Variants in RAB28 observed in about 807,000 individuals in gnomAD.
RAB28 encodes ras-related protein Rab-28.
Under a neutral mutation model 31.7 loss-of-function variants are expected in RAB28, and 24 were observed. The observed-to-expected ratio is 0.76, with a 90% CI of 0.55 to 1.06. RAB28 has a LOEUF of 1.06. Among genes scored for constraint, RAB28 ranks in the 50% least tolerant of loss-of-function variants. The probability of loss-of-function intolerance (pLI) is 0.00; values close to 1 mark genes in which losing one functional copy is unlikely to be tolerated. For synonymous variants in RAB28, 100 were observed against 90.4 expected (o/e 1.11, Z -0.60); for missense variants, 254 against 258.5 (o/e 0.98, Z 0.12).
intron 4 of RAB28, among the ~76,000 whole-genome samples, 191 bp from the exon 5 acceptor site, chr4:13,381,785 C>T (rs1729141930): frequency 6.6e-6 from 1 of 151,840 alleles, no homozygotes; most frequent in Admixed American, 6.6e-5. Context: ...ATAAATATAC[C>T]TATTTTGTAG....
chr4:13,375,663 G>A (rs1401987980), intron 6 of RAB28, among the ~76,000 whole-genome samples: 2 of 152,032 alleles, frequency 1.3e-5, no homozygotes, highest in Admixed American at 6.6e-5. Context: ...TTTGAATGAT[G>A]GGAATTAAAA....
At position 13,367,790 on chromosome 4, in the gene RAB28, T is replaced by A; in HGVS notation, c.*768A>T. The stretch of plus-strand genomic sequence containing the variant: ...ATCAGGTACAGTCTGATCCACAATG[T>A]CATAACTCATTCTCGGGAGTACTCT... On this transcript the variant is annotated 3_prime_UTR_variant, in exon 7 of 7. Coordinates refer to ENST00000330852, the MANE Select transcript of RAB28 (RefSeq NM_001017979.3). 1.0e-6 allele frequency: 1 copy of A among 985,124 alleles called. No homozygotes were observed. Among genetic ancestry groups the A allele is most frequent in the Non-Finnish European group, 1.2e-6 (1 of 829,690 alleles). The allele number at this position is 985,124 out of a possible 1,614,324, so 61.0% of individuals were successfully genotyped here.
intron 5 of RAB28, among the ~76,000 whole-genome samples, chr4:13,378,511 G>GC (rs1464148249): frequency 6.6e-6 from 1 of 152,036 alleles, no homozygotes; most frequent in Admixed American, 6.6e-5. Context: ...AGGAAATAAG[G>GC]CAACAGCTAG....
At chr4:13,465,154 G>C (rs1220206127) in intron 3 of RAB28, among the ~76,000 whole-genome samples, 1 of 151,788 alleles carries the variant, frequency 6.6e-6, no homozygotes, top group Non-Finnish European at 1.5e-5. Context: ...AAGAACAGTG[G>C]GACAGTCCCA....
intron 3 of RAB28, among the ~76,000 whole-genome samples, chr4:13,472,544 A>T (rs1716168613): frequency 6.6e-6 from 1 of 151,916 alleles, no homozygotes; most frequent in Non-Finnish European, 1.5e-5. Context: ...CCTGAAATGC[A>T]TAAAGTCCTC....
intron 6 of RAB28, among the ~76,000 whole-genome samples, chr4:13,369,709 C>A (rs1313129972): frequency 6.6e-6 from 1 of 151,990 alleles, no homozygotes; most frequent in Non-Finnish European, 1.5e-5. Context: ...TGGCAGAGGA[C>A]CAATTTTTTA....
chr4:13,427,076 C>A (rs943762686), intron 4 of RAB28, among the ~76,000 whole-genome samples: 10 of 152,104 alleles, frequency 6.6e-5, no homozygotes, highest in African/African-American at 2.4e-4. Context: ...GATCAGAATT[C>A]CCCATAGACC....
intron 4 of RAB28, 141 bp from the exon 5 acceptor site, chr4:13,381,735 C>T (rs1359656721): frequency 5.3e-6 from 3 of 561,500 alleles, no homozygotes; most frequent in African/African-American, 3.8e-5. Flanking sequence ...TTTATTAAAC[C>T]TCTTTATGAC....
chr4:13,428,370 A>C (rs1173504610), intron 4 of RAB28, among the ~76,000 whole-genome samples: 3 of 152,228 alleles, frequency 2.0e-5, no homozygotes, highest in Non-Finnish European at 4.4e-5. Context: ...AAAAAAGAAG[A>C]AAATCCAGTC....
intron 3 of RAB28, among the ~76,000 whole-genome samples, chr4:13,470,495 A>C (rs1054453305): frequency 1.3e-5 from 2 of 152,094 alleles, no homozygotes; most frequent in Non-Finnish European, 2.9e-5. Context: ...CCACTGGCAC[A>C]CAATAGTAGT....
At chr4:13,387,115 C>T (rs1247144575) in intron 4 of RAB28, among the ~76,000 whole-genome samples, 1 of 151,810 alleles carries the variant, frequency 6.6e-6, no homozygotes, top group Admixed American at 6.6e-5. Context: ...TGGGAGGGGA[C>T]AGAGGATCAG....
chr4:13,405,506 A>T (rs1049237510), intron 4 of RAB28, among the ~76,000 whole-genome samples: 25 of 152,206 alleles, frequency 1.6e-4, no homozygotes, highest in African/African-American at 5.8e-4. Context: ...ATTGAAACTC[A>T]TAACATAGAC....
chr4:13,443,097 A>T (rs973254524), intron 4 of RAB28, among the ~76,000 whole-genome samples: 7 of 152,262 alleles, frequency 4.6e-5, no homozygotes, highest in African/African-American at 1.4e-4. Flanking sequence ...AATTTTCAAA[A>T]CAATTGTTGA....
intron 4 of RAB28, among the ~76,000 whole-genome samples, chr4:13,390,273 A>G (rs1016111581): frequency 5.3e-5 from 8 of 152,182 alleles, no homozygotes; most frequent in Admixed American, 3.3e-4. Flanking sequence ...ACAGACAAAC[A>G]GAGAGCCAAA....
intron 4 of RAB28, among the ~76,000 whole-genome samples, chr4:13,453,254 A>T (rs1715073123): frequency 6.6e-6 from 1 of 152,126 alleles, no homozygotes; most frequent in African/African-American, 2.4e-5. Context: ...TAAGAAATGT[A>T]ATTAGTTTAA....
chr4:13,368,639 C>A lies in RAB28; in HGVS notation c.585G>T (p.Lys195Asn). ...AEIEQSQRVVKADIVNYNQEP... is the reference protein window; with the variant it reads ...AEIEQSQRVVNADIVNYNQEP... ...CCTGGTTGTAGTTTACAATATCTGCCTTCACCACCCTCTGTCATAAAAGAA... is the reference window on the plus strand; with the variant it reads ...CCTGGTTGTAGTTTACAATATCTGCATTCACCACCCTCTGTCATAAAAGAA... The change falls in exon 7 of 7, where the codon AAG (lysine) becomes AAT (asparagine). Residue 195 changes from lysine (K) to asparagine (N), a missense_variant. Coordinates refer to ENST00000330852, the MANE Select transcript of RAB28 (RefSeq NM_001017979.3). 1.9e-6 allele frequency: 3 copies of A among 1,610,570 alleles called. No individual in the cohort carries two copies. Among genetic ancestry groups the A allele is most frequent in the South Asian group, 2.2e-5 (2 of 90,860 alleles).
rs566353793 is a variant in RAB28, at chr4:13,438,533, T to G, written c.391+22166A>C. 8.5e-5 allele frequency among the ~76,000 whole-genome samples: 13 copies of G among 152,326 alleles called. No individual in the cohort carries two copies. In the South Asian group the frequency reaches 1.0e-3, roughly 12 times the overall value. ...TAAATAGAATCATGAAATACATGGG[T>G]GGCCTTTTCTACCTGGCTTCTTTTA... On this transcript the variant is annotated intron_variant, in intron 4 of 6. Transcript: ENST00000330852.
Position 13,444,852 on chromosome 4 carries a change from G to A in RAB28, c.391+15847C>T, listed in dbSNP as rs764330282. ...CCCAACTTTTATCTCTAGACCTCAT[G>A]TGCCTTAGGGTTGATCTTCTTGTGG... On this transcript the variant is annotated intron_variant, in intron 4 of 6. Coordinates refer to ENST00000330852, the MANE Select transcript of RAB28 (RefSeq NM_001017979.3). Among the ~76,000 whole-genome samples the A allele has an allele frequency of 1.2e-4, 18 of 152,084 alleles. No homozygotes were observed. The East Asian group carries it at 3.5e-3, about 30-fold the overall frequency.
Position 13,484,187 on chromosome 4 carries a change from G to T in RAB28, c.-37C>A, listed in dbSNP as rs552478748. On this transcript the variant is annotated 5_prime_UTR_variant, in exon 1 of 7. Transcript: ENST00000330852. Reference sequence around the variant, plus strand: ...AACCAGGCCCGCCCCTCGAGGTGGGGGGGGAAGGGAAGGATGAAGGCTCCG... The same window carrying T: ...AACCAGGCCCGCCCCTCGAGGTGGGTGGGGAAGGGAAGGATGAAGGCTCCG... 63 of 1,536,488 alleles carry T rather than the reference G, an allele frequency of 4.1e-5. No individual in the cohort carries two copies. The Middle Eastern group carries it at 6.7e-4, about 16-fold the overall frequency.
Sources: allele counts gnomAD v4.1 joint callset (sites outside exome capture counted in the v4.1 genomes callset), GRCh38; gene constraint gnomAD v4.1.1; transcripts MANE v1.5; gene names NCBI Gene and HGNC (gene_info 2026-07-23, HGNC 2026-07-21).